Variants in DNPEP observed in about 807,000 individuals in gnomAD.
DNPEP encodes aspartyl aminopeptidase.
A neutral mutation model predicts 59.1 loss-of-function variants in DNPEP; 46 were observed. The ratio of observed to expected loss-of-function variants is 0.78; its 90% confidence interval spans 0.61 to 0.99. The LOEUF is 0.99. Among genes scored for constraint, DNPEP ranks in the 50% least tolerant of loss-of-function variants. The probability of loss-of-function intolerance (pLI) is 0.00; values close to 1 mark genes in which losing one functional copy is unlikely to be tolerated. For synonymous variants in DNPEP, 229 were observed against 242.2 expected (o/e 0.95, Z 0.50); for missense variants, 617 against 649.9 (o/e 0.95, Z 0.55).
chr2:219,392,220 T>C (rs1489590890), upstream of DNPEP, among the ~76,000 whole-genome samples: 1 of 152,244 alleles, frequency 6.6e-6, no homozygotes. Context: ...TCTCGGCTGA[T>C]GTTTACAATG....
chr2:219,388,954 G>T, upstream of DNPEP: 1 of 859,090 alleles, frequency 1.2e-6, no homozygotes, highest in Non-Finnish European at 1.4e-6. Context: ...AACGGCACAG[G>T]TGGGGTTTGA....
Position 219,387,145 on chromosome 2 carries a change from C to T in DNPEP, c.55G>A (p.Ala19Thr), listed in dbSNP as rs751327586. 3.0e-5 allele frequency: 47 copies of T among 1,561,944 alleles called. No individual in the cohort carries two copies. The East Asian group carries it at 1.1e-3, about 36-fold the overall frequency. ...GCAGTCTGCACCGCCTCTTTGCGGG[C>T]CTTACCGTTCATGGCCACCTAGGGG... Reference protein sequence around the residue: ...GAMQVAMNGKARKEAVQTAAK... With the variant: ...GAMQVAMNGKTRKEAVQTAAK... Residue 19 changes from alanine to threonine, a missense_variant, in exon 2 of 15, where the codon GCC becomes ACC. Physicochemically the swap from Ala to Thr is moderately conservative, Grantham distance 58. Coordinates refer to ENST00000273075, the MANE Select transcript of DNPEP (RefSeq NM_012100.4).
chr2:219,395,247 C>G (rs1047067563), intron 1 of DNPEP, among the ~76,000 whole-genome samples: 1 of 152,140 alleles, frequency 6.6e-6, no homozygotes, highest in Non-Finnish European at 1.5e-5. Flanking sequence ...TGGGCCCGGC[C>G]GACGTGGGGT....
Position 219,387,490 on chromosome 2 carries a change from A to G in DNPEP, c.36+269T>C, listed in dbSNP as rs1304853531. ...GATCCCAAGCGGGCCCCATACTCTG[A>G]GGCGGCCTGCATCACGTGCGCGTAC... On this transcript the variant is annotated intron_variant, in intron 1 of 14. Coordinates refer to ENST00000273075, the MANE Select transcript of DNPEP (RefSeq NM_012100.4). 1.2e-5 allele frequency: 17 copies of G among 1,436,510 alleles called. 1 individual carries two copies. The highest frequency in any genetic ancestry group is 5.9e-5 in the Admixed American group (2 of 34,184). The allele number at this position is 1,436,510 out of a possible 1,614,324, so 89.0% of individuals were successfully genotyped here. A position where few individuals can be genotyped will look rare whatever the true frequency, so the allele number is the denominator to read the frequency against.
chr2:219,384,199 G>A (rs1290338505), intron 9 of DNPEP, among the ~76,000 whole-genome samples, 167 bp downstream of exon 9: 2 of 152,208 alleles, frequency 1.3e-5, no homozygotes, highest in Non-Finnish European at 2.9e-5. Context: ...CGATGCTGAG[G>A]CTGCAACATT....
At chr2:219,378,998 A>T (rs999154756) in intron 13 of DNPEP, among the ~76,000 whole-genome samples, 1 of 152,024 alleles carries the variant, frequency 6.6e-6, no homozygotes, top group Non-Finnish European at 1.5e-5. Flanking sequence ...GCTCCCTGCA[A>T]CCTCTGCCTC....
intron 4 of DNPEP, 49 bp from the exon 5 acceptor site, chr2:219,386,460 G>A (rs1342562921): frequency 1.1e-5 from 18 of 1,611,048 alleles, no homozygotes; most frequent in Non-Finnish European, 1.4e-5. Context: ...ACGATATGTG[G>A]AGATGAGACT....
At chr2:219,383,023 C>A in intron 10 of DNPEP, 108 bp downstream of exon 10, 1 of 929,454 alleles carries the variant, frequency 1.1e-6, no homozygotes, top group East Asian at 2.5e-5. Flanking sequence ...AGCATCTCCC[C>A]TGTCTTGGGG....
At chr2:219,379,963 C>T (rs1172829908) in intron 13 of DNPEP, among the ~76,000 whole-genome samples, 1 of 151,516 alleles carries the variant, frequency 6.6e-6, no homozygotes, top group East Asian at 1.9e-4. Context: ...TAAAAAGTTA[C>T]AGTAAACTAA....
chr2:219,387,755 T>A lies in DNPEP; in HGVS notation c.36+4A>T. 1.2e-6 allele frequency: 2 copies of A among 1,607,768 alleles called. No individual in the cohort carries two copies. Among genetic ancestry groups the A allele is most frequent in the Non-Finnish European group, 1.7e-6 (2 of 1,177,716 alleles). The stretch of plus-strand genomic sequence containing the variant: ...TTCAAGTGGGGCCGTCGGGAGCCAC[T>A]TACCTGCATGGCCCCGCGCGTGGGG... On this transcript the variant is annotated splice_donor_region_variant and intron_variant, in intron 1 of 14. Transcript: ENST00000273075.
intron 13 of DNPEP, among the ~76,000 whole-genome samples, chr2:219,376,954 C>T (rs943127894): frequency 2.0e-5 from 3 of 152,014 alleles, no homozygotes; most frequent in Non-Finnish European, 4.4e-5. Context: ...CATATGAATA[C>T]ACCAGCCATG....
chr2:219,387,892 CG>C lies in DNPEP; in HGVS notation c.-99del. 7.1e-7 allele frequency: 1 copy of C among 1,414,750 alleles called. No homozygotes were observed. Among genetic ancestry groups the C allele is most frequent in the Non-Finnish European group, 9.2e-7 (1 of 1,086,040 alleles). 87.6% of individuals were successfully genotyped at this position (1,414,750 alleles called of 1,614,324 possible). ...GTGCCCCTTCAGGCCGCGCCGCACT[CG>C]TAGGCCTTCATCACGCTTCCCCGGC... On this transcript the variant is annotated 5_prime_UTR_variant, in exon 1 of 15. An upstream open reading frame in the 5' UTR gains an earlier in-frame stop. Coordinates refer to ENST00000273075, the MANE Select transcript of DNPEP (RefSeq NM_012100.4).
At chr2:219,378,217 G>T (rs887473343) in intron 13 of DNPEP, among the ~76,000 whole-genome samples, 2 of 152,170 alleles carry the variant, frequency 1.3e-5, no homozygotes, top group African/African-American at 4.8e-5. Flanking sequence ...GAATAAAATT[G>T]AAATGTCCTT....
In DNPEP at chr2:219,373,935, G is replaced by A; in HGVS notation, c.*357C>T. 1 of 255,370 alleles carries A rather than the reference G, an allele frequency of 3.9e-6. No homozygotes were observed. The highest frequency in any genetic ancestry group is 7.6e-6 in the Non-Finnish European group (1 of 131,520). 15.8% of individuals were successfully genotyped at this position (255,370 alleles called of 1,614,324 possible). A position where few individuals can be genotyped will look rare whatever the true frequency, so the allele number is the denominator to read the frequency against. On this transcript the variant is annotated 3_prime_UTR_variant, in exon 15 of 15. Coordinates refer to ENST00000273075, the MANE Select transcript of DNPEP (RefSeq NM_012100.4). Reference sequence around the variant, plus strand: ...GGGACACCCATTCTGGGGATGGAAAGAGGGAAGACCGTTGAGGCCATTTCC... The same window carrying A: ...GGGACACCCATTCTGGGGATGGAAAAAGGGAAGACCGTTGAGGCCATTTCC...
In DNPEP at chr2:219,382,641, CCTA is replaced by C. The variant is rs1199868784; in HGVS notation, c.936+487_936+489del. ...CTGCCCCTTTGCCCTCTCTTCCCTT[CCTA>C]CTAACTCAGTGTAGACATGATGGCC... On this transcript the variant is annotated intron_variant, in intron 10 of 14. Transcript: ENST00000273075. 2.0e-5 allele frequency among the ~76,000 whole-genome samples: 3 copies of C among 152,294 alleles called. No homozygotes were observed. In the East Asian group the frequency reaches 5.8e-4, roughly 29 times the overall value.
chr2:219,387,355 A>T (rs992790416), intron 1 of DNPEP, 192 bp from the exon 2 acceptor site: 44 of 1,442,036 alleles, frequency 3.1e-5, no homozygotes, highest in Non-Finnish European at 4.0e-5. Context: ...CCGCCGGCCC[A>T]GGATCATGAG....
intron 6 of DNPEP, 130 bp downstream of exon 6, chr2:219,385,838 G>T: frequency 6.9e-7 from 1 of 1,455,214 alleles, no homozygotes; most frequent in Non-Finnish European, 9.3e-7. Context: ...CAAATCACAA[G>T]GCTGTGAGGA....
intron 1 of DNPEP, among the ~76,000 whole-genome samples, chr2:219,397,095 A>C (rs192728924): frequency 6.6e-6 from 1 of 152,248 alleles, no homozygotes; most frequent in Non-Finnish European, 1.5e-5. Context: ...ACAGTATAAC[A>C]AAGTGGTTAT....
rs998568713 is a variant in DNPEP, at chr2:219,372,746, CTCT to C, written c.*1543_*1545del. Among the ~76,000 whole-genome samples the C allele has an allele frequency of 3.3e-5, 5 of 152,182 alleles. No individual in the cohort carries two copies. Among genetic ancestry groups the C allele is most frequent in the Non-Finnish European group, 7.3e-5 (5 of 68,038 alleles). On this transcript the variant is annotated 3_prime_UTR_variant, in exon 15 of 15. Coordinates refer to ENST00000273075, the MANE Select transcript of DNPEP (RefSeq NM_012100.4). ...TTCTACTCAACAATGTCTTTGTAATCTCTTCATGTTAGTACACACACTATACAA... is the reference window on the plus strand; with the variant it reads ...TTCTACTCAACAATGTCTTTGTAATCTCATGTTAGTACACACACTATACAA...
Sources: allele counts gnomAD v4.1 joint callset (sites outside exome capture counted in the v4.1 genomes callset), GRCh38; gene constraint gnomAD v4.1.1; transcripts MANE v1.5; gene names NCBI Gene and HGNC (gene_info 2026-07-23, HGNC 2026-07-21).